NCOA2: variants seen among roughly 807,000 people sequenced by gnomAD.
NCOA2 encodes the protein class E basic helix-loop-helix protein 75.
NCOA2 carries 21 observed loss-of-function variants against 145.1 expected under a neutral mutation model. That is an observed-to-expected ratio of 0.14 (90% CI 0.10 to 0.21). NCOA2 has a LOEUF of 0.21. Ranked by LOEUF, NCOA2 falls within the 10% of genes least tolerant of loss-of-function variation. NCOA2 has a pLI of 1.00. For synonymous variants in NCOA2, 619 were observed against 637.5 expected (o/e 0.97, Z 0.44); for missense variants, 1,472 against 1,837.6 (o/e 0.80, Z 3.64).
At chr8:70,203,215 A>C (rs1818082212) in intron 4 of NCOA2, among the ~76,000 whole-genome samples, 1 of 150,478 alleles carries the variant, frequency 6.6e-6, no homozygotes, top group East Asian at 1.9e-4. Flanking sequence ...GTGAGCCGAG[A>C]TCGCACCACT....
chr8:70,385,362 A>G (rs1812569371), intron 1 of NCOA2, among the ~76,000 whole-genome samples: 1 of 152,250 alleles, frequency 6.6e-6, no homozygotes, highest in Admixed American at 6.5e-5. Context: ...ATGGCAATCC[A>G]GACAGTGCTA....
At chr8:70,261,881 T>A (rs943972960) in intron 2 of NCOA2, among the ~76,000 whole-genome samples, 2 of 152,012 alleles carry the variant, frequency 1.3e-5, no homozygotes, top group African/African-American at 2.4e-5. Context: ...AAAAAAATTT[T>A]AAAAAGTACA....
At position 70,115,734 on chromosome 8, in the gene NCOA2, G is replaced by C. The variant is rs1807029061; in HGVS notation, c.4384-2091C>G. 3.3e-5 allele frequency among the ~76,000 whole-genome samples: 5 copies of C among 152,080 alleles called. No individual in the cohort carries two copies. The South Asian group carries it at 1.0e-3, about 31-fold the overall frequency. On this transcript the variant is annotated intron_variant, in intron 22 of 22. Coordinates refer to ENST00000452400, the MANE Select transcript of NCOA2 (RefSeq NM_006540.4). ...TATATCTAAAATATAAAGAAATACT[G>C]TAAGTTCTTATAAAAGGAAGAATCT...
intron 10 of NCOA2, among the ~76,000 whole-genome samples, chr8:70,158,400 A>C (rs922254531): frequency 6.6e-6 from 1 of 152,246 alleles, no homozygotes. Flanking sequence ...TTTAAAAATC[A>C]ATATTCAATT....
intron 4 of NCOA2, among the ~76,000 whole-genome samples, chr8:70,200,176 G>A (rs531672047): frequency 6.6e-6 from 1 of 152,268 alleles, no homozygotes; most frequent in East Asian, 1.9e-4. Flanking sequence ...AGGGACATAA[G>A]CATCCAAGGA....
chr8:70,116,048 G>A (rs527914998), intron 22 of NCOA2, among the ~76,000 whole-genome samples: 12 of 151,956 alleles, frequency 7.9e-5, no homozygotes, highest in East Asian at 1.9e-4. Flanking sequence ...TTAGCCGGGC[G>A]TGGTGGAGGG....
intron 2 of NCOA2, among the ~76,000 whole-genome samples, chr8:70,274,003 C>T (rs1210900279): frequency 2.0e-5 from 3 of 152,224 alleles, no homozygotes; most frequent in Non-Finnish European, 4.4e-5. Flanking sequence ...TTGGACACTA[C>T]AGCTCTTTTC....
intron 1 of NCOA2, among the ~76,000 whole-genome samples, chr8:70,362,726 CT>C (rs1441115699): frequency 6.6e-6 from 1 of 152,156 alleles, no homozygotes; most frequent in Non-Finnish European, 1.5e-5. Context: ...GGCATAGCTA[CT>C]TTGAAAACTA....
At chr8:70,433,593 T>A in the NCOA2 span, among the ~76,000 whole-genome samples, 1 of 152,232 alleles carries the variant, frequency 6.6e-6, no homozygotes, top group Non-Finnish European at 1.5e-5. Context: ...CTACATTCTT[T>A]ATGCAATGCC....
intron 2 of NCOA2, among the ~76,000 whole-genome samples, chr8:70,245,565 GTC>G (rs1563674353): frequency 6.6e-6 from 1 of 151,706 alleles, no homozygotes; most frequent in Non-Finnish European, 1.5e-5. Context: ...CTCAGACTCA[GTC>G]TCTCACTCTC....
the NCOA2 span, among the ~76,000 whole-genome samples, chr8:70,432,074 C>A: frequency 2.0e-5 from 3 of 152,160 alleles, no homozygotes; most frequent in Non-Finnish European, 4.4e-5. Flanking sequence ...TGGTTGATAA[C>A]CATAGGTACA....
In NCOA2 at chr8:70,170,368, C is replaced by T. The variant is rs1233975402; in HGVS notation, c.375G>A (p.Gly125=). Residue 125 remains glycine (G), a synonymous_variant, in exon 6 of 23, where the codon GGG becomes GGA. Transcript: ENST00000452400. ...CTTCCAGGTTCACTACAAAGAAGAA[C>T]CCATCAAGGGCCTAGGGAACAAAGT... ...LGPMMLEALD[G]FFFVVNLEGN... is the part of the protein sequence containing the mutation. 1 of 1,590,240 alleles carries T rather than the reference C, an allele frequency of 6.3e-7. No individual in the cohort carries two copies. Among genetic ancestry groups the T allele is most frequent in the Admixed American group, 1.8e-5 (1 of 56,104 alleles).
At chr8:70,304,258 A>C (rs749131577) in intron 1 of NCOA2, among the ~76,000 whole-genome samples, 43 of 152,292 alleles carry the variant, frequency 2.8e-4, no homozygotes, top group South Asian at 1.0e-3. Flanking sequence ...ATATTTAGAC[A>C]TGTTTATATA....
chr8:70,273,428 C>T (rs1825223250), intron 2 of NCOA2: 2 of 724,824 alleles, frequency 2.8e-6, no homozygotes, highest in Non-Finnish European at 2.2e-6. Context: ...GGCAAAAGTG[C>T]CCATTGGTGG....
intron 19 of NCOA2, among the ~76,000 whole-genome samples, chr8:70,126,273 G>A (rs1441202213): frequency 3.3e-5 from 5 of 152,108 alleles, no homozygotes; most frequent in African/African-American, 7.2e-5. Context: ...AAATCAATAT[G>A]AAGAGGACTA....
chr8:70,206,564 A>C (rs1818463529), intron 4 of NCOA2, among the ~76,000 whole-genome samples: 1 of 152,218 alleles, frequency 6.6e-6, no homozygotes, highest in South Asian at 2.1e-4. Context: ...CATTCCAAAT[A>C]TAGAGTATCT....
chr8:70,259,119 G>A (rs1001298714), intron 2 of NCOA2, among the ~76,000 whole-genome samples: 10 of 151,974 alleles, frequency 6.6e-5, no homozygotes, highest in Admixed American at 2.6e-4. Flanking sequence ...TCCATCTTCC[G>A]CCTAAGTCTT....
chr8:70,213,019 G>T (rs150790042), intron 4 of NCOA2, among the ~76,000 whole-genome samples: 1 of 151,276 alleles, frequency 6.6e-6, no homozygotes, highest in East Asian at 2.0e-4. Flanking sequence ...AGGAGGCAGA[G>T]GTTGCAGTGA....
intron 12 of NCOA2, among the ~76,000 whole-genome samples, chr8:70,147,615 A>G (rs1171827633): frequency 1.3e-5 from 2 of 152,250 alleles, no homozygotes; most frequent in African/African-American, 2.4e-5. Context: ...AAACAAGTTT[A>G]TCCTAAGCTT....
Sources: gnomAD v4.1 joint callset for allele counts (sites outside exome capture counted in the v4.1 genomes callset) on GRCh38, gnomAD v4.1.1 for gene constraint, MANE v1.5 for transcripts, NCBI Gene and HGNC (gene_info 2026-07-23, HGNC 2026-07-21) for gene names.